TRIM3: variants seen among roughly 807,000 people sequenced by gnomAD.
TRIM3 encodes tripartite motif containing 3.
In TRIM3, 13 loss-of-function variants were observed where a neutral mutation model predicts 66.6. The ratio of observed to expected loss-of-function variants is 0.20; its 90% CI spans 0.13 to 0.31. The LOEUF (loss-of-function observed/expected upper bound fraction) is 0.31, where lower values mean the gene tolerates loss of function less well. Among genes scored for constraint, TRIM3 ranks in the 10% least tolerant of loss-of-function variants. The pLI is 1.00. For missense variants in TRIM3, 711 were observed against 1,020.4 expected, an observed-to-expected ratio of 0.70 and a Z score of 4.13; for synonymous variants, 406 against 411.7, an observed-to-expected ratio of 0.99 and a Z score of 0.17.
intron 1 of TRIM3, among the ~76,000 whole-genome samples, chr11:6,468,326 C>T (rs1850550556): frequency 6.6e-6 from 1 of 152,134 alleles, no homozygotes; most frequent in Admixed American, 6.5e-5. Flanking sequence ...CCAGGTAGAG[C>T]TGTCAAGTAA....
In TRIM3 at chr11:6,450,774, G is replaced by A; in HGVS notation, c.1870+118C>T. On this transcript the variant is annotated intron_variant, in intron 9 of 11. Coordinates refer to ENST00000345851, the MANE Select transcript of TRIM3 (RefSeq NM_033278.4). The surrounding 1 kb of genome is among the most constrained non-coding windows in gnomAD (Gnocchi z 4.8). ...TTCTGAGATGATAGGGCTAACGTAAGGGAAGTGGGATCTCCAGAGCCAAGA... is the reference window on the plus strand; with the variant it reads ...TTCTGAGATGATAGGGCTAACGTAAAGGAAGTGGGATCTCCAGAGCCAAGA... 6.8e-7 allele frequency: 1 copy of A among 1,475,646 alleles called. No homozygotes were observed. The highest frequency in any genetic ancestry group is 1.7e-5 in the Admixed American group (1 of 57,562). The allele number at this position is 1,475,646 out of a possible 1,614,324, so 91.4% of individuals were successfully genotyped here.
intron 2 of TRIM3, among the ~76,000 whole-genome samples, chr11:6,459,470 T>A (rs1489354409): frequency 6.6e-6 from 1 of 152,198 alleles, no homozygotes; most frequent in Non-Finnish European, 1.5e-5. Flanking sequence ...CTAGTTACCA[T>A]TTATTAAGTG....
In TRIM3 at chr11:6,455,499, A is replaced by ATTCAGTGCG. The variant is rs562473417; in HGVS notation, c.1533+564_1533+572dup. 5.9e-5 allele frequency among the ~76,000 whole-genome samples: 9 copies of ATTCAGTGCG among 152,304 alleles called. No homozygotes were observed. The East Asian group carries it at 1.7e-3, about 29-fold the overall frequency. On this transcript the variant is annotated intron_variant, in intron 7 of 11. Coordinates refer to ENST00000345851, the MANE Select transcript of TRIM3 (RefSeq NM_033278.4). Reference sequence around the variant, plus strand: ...TCACAGTGCAGCAGAAACCATGTTCATTCAGTGCGGTTGATGCCATAATCA... The same window carrying ATTCAGTGCG: ...TCACAGTGCAGCAGAAACCATGTTCATTCAGTGCGTTCAGTGCGGTTGATGCCATAATCA...
In TRIM3 at chr11:6,448,983, C is replaced by T. The variant is rs771876967; in HGVS notation, c.*45G>A. 5.3e-5 allele frequency: 85 copies of T among 1,608,574 alleles called. No individual in the cohort carries two copies. Among genetic ancestry groups the T allele is most frequent in the Admixed American group, 3.5e-4 (21 of 59,910 alleles). The stretch of plus-strand genomic sequence containing the variant: ...CCAGCCAGACCCTCTTGTCCAATCA[C>T]CCCAATGTCTGTCCCTCCACAAGCC... On this transcript the variant is annotated 3_prime_UTR_variant, in exon 12 of 12. Transcript: ENST00000345851.
chr11:6,454,286 G>C (rs1364786983), intron 7 of TRIM3, among the ~76,000 whole-genome samples: 2 of 151,972 alleles, frequency 1.3e-5, no homozygotes, highest in African/African-American at 4.8e-5. Context: ...AGCTACTCGG[G>C]AGGCTGAAGT....
At chr11:6,460,660 A>G (rs1219674750) in intron 2 of TRIM3, among the ~76,000 whole-genome samples, 1 of 152,168 alleles carries the variant, frequency 6.6e-6, no homozygotes, top group Non-Finnish European at 1.5e-5. Context: ...AGCAGAGGAC[A>G]CTTACTAGAA....
Position 6,458,484 on chromosome 11 carries a change from G to T in TRIM3, c.132-188C>A, listed in dbSNP as rs892226146. On this transcript the variant is annotated intron_variant, in intron 2 of 11. Coordinates refer to ENST00000345851, the MANE Select transcript of TRIM3 (RefSeq NM_033278.4). This position sits in a 1 kb window ranked among gnomAD's most constrained non-coding sequence, Gnocchi z 6.2. ...GGCCTTGCCCCTTACAACTGAGTAGGAACACACCCCGACCCCTCTCAGAAG... is the reference window on the plus strand; with the variant it reads ...GGCCTTGCCCCTTACAACTGAGTAGTAACACACCCCGACCCCTCTCAGAAG... The T allele has an allele frequency of 4.3e-5, 25 of 586,310 alleles. No homozygotes were observed. The highest frequency in any genetic ancestry group is 3.1e-5 in the Admixed American group (1 of 32,118). 36.3% of individuals were successfully genotyped at this position (586,310 alleles called of 1,614,324 possible). A position where few individuals can be genotyped will look rare whatever the true frequency, so the allele number is the denominator to read the frequency against.
At position 6,456,192 on chromosome 11, in the gene TRIM3, G is replaced by A; in HGVS notation, c.1430-17C>T. 7 of 1,613,238 alleles carry A rather than the reference G, an allele frequency of 4.3e-6. No homozygotes were observed. Among genetic ancestry groups the A allele is most frequent in the Non-Finnish European group, 5.9e-6 (7 of 1,179,314 alleles). On this transcript the variant is annotated splice_polypyrimidine_tract_variant and intron_variant, in intron 6 of 11. Coordinates refer to ENST00000345851, the MANE Select transcript of TRIM3 (RefSeq NM_033278.4). This position sits in a 1 kb window ranked among gnomAD's most constrained non-coding sequence, Gnocchi z 6.4. ...CACGACTGCCTGTGGGAAGGGACAG[G>A]AGGGAAAACAAAATAATTCATTCAG...
chr11:6,459,858 T>C (rs959277810), intron 2 of TRIM3, among the ~76,000 whole-genome samples: 6 of 152,160 alleles, frequency 3.9e-5, no homozygotes, highest in South Asian at 4.1e-4. Flanking sequence ...GGAGTAGCTA[T>C]AGGAAAGTTC....
chr11:6,463,149 G>A (rs990732015), intron 2 of TRIM3, among the ~76,000 whole-genome samples: 3 of 152,064 alleles, frequency 2.0e-5, no homozygotes, highest in African/African-American at 4.8e-5. Flanking sequence ...AGATTGCAGT[G>A]AGCCAAGATG....
intron 1 of TRIM3, among the ~76,000 whole-genome samples, chr11:6,470,707 G>T (rs892555003): frequency 6.6e-6 from 1 of 152,244 alleles, no homozygotes; most frequent in Non-Finnish European, 1.5e-5. Flanking sequence ...GGATGTTGGT[G>T]CAGAGATGGT....
rs776268474 is a variant in TRIM3 at position 6,451,263 on chromosome 11, C to A, written c.1701+8G>T. The A allele has an allele frequency of 1.9e-6, 3 of 1,613,994 alleles. No individual in the cohort carries two copies. Among genetic ancestry groups the A allele is most frequent in the Non-Finnish European group, 2.5e-6 (3 of 1,179,970 alleles). ...CCAGGGTAAGTAAAGTGACAGCAGGCCTCTCACCTTGAACTTGCCCTCAGG... is the reference window on the plus strand; with the variant it reads ...CCAGGGTAAGTAAAGTGACAGCAGGACTCTCACCTTGAACTTGCCCTCAGG... On this transcript the variant is annotated splice_region_variant and intron_variant, in intron 8 of 11. Transcript: ENST00000345851.
intron 7 of TRIM3, among the ~76,000 whole-genome samples, chr11:6,455,268 ATG>A (rs770895807): frequency 2.6e-5 from 2 of 77,128 alleles, no homozygotes; most frequent in South Asian, 4.5e-4. Flanking sequence ...AATTTTACAC[ATG>A]AGTTAACTGA....
At position 6,457,257 on chromosome 11, in the gene TRIM3, C is replaced by T. The variant is rs41275188; in HGVS notation, c.696+39G>A. ...AACAATGGAGGCAATAACACCATCA[C>T]AATGGACGATGGTAGGAAAGGGTGA... On this transcript the variant is annotated intron_variant, in intron 5 of 11. Coordinates refer to ENST00000345851, the MANE Select transcript of TRIM3 (RefSeq NM_033278.4). This position sits in a 1 kb window ranked among gnomAD's most constrained non-coding sequence, Gnocchi z 4.5. 2 of 1,603,554 alleles carry T rather than the reference C, an allele frequency of 1.2e-6. No individual in the cohort carries two copies. The highest frequency in any genetic ancestry group is 8.5e-7 in the Non-Finnish European group (1 of 1,173,032).
chr11:6,474,234 T>C (rs565287476), upstream of TRIM3: 2 of 152,078 alleles, frequency 1.3e-5, no homozygotes, highest in East Asian at 3.9e-4. Context: ...GTCTCAGGGA[T>C]TGAGATGAGA....
At chr11:6,454,386 CA>C (rs10665333) in intron 7 of TRIM3, among the ~76,000 whole-genome samples, 19,348 of 129,148 alleles carry the variant, frequency 0.15, 1,736 homozygotes, top group African/African-American at 0.29. Flanking sequence ...GACCCTGTCT[CA>C]AAAAAAAAAA....
chr11:6,457,727 G>A lies in TRIM3; in HGVS notation c.484C>T (p.Leu162=). The A allele has an allele frequency of 6.2e-7, 1 of 1,613,736 alleles. No homozygotes were observed. Among genetic ancestry groups the A allele is most frequent in the African/African-American group, 1.3e-5 (1 of 75,020 alleles). Residue 162 remains leucine, a synonymous_variant, in exon 4 of 12, where the codon CTG becomes TTG. Transcript: ENST00000345851. This position sits in a 1 kb window ranked among gnomAD's most constrained non-coding sequence, Gnocchi z 4.5. The stretch of plus-strand genomic sequence containing the variant: ...CGCACAGCCTCGAGCTGGCGCTGCA[G>A]GGCCGCCTTGTGCTGCTCCACCACA... ...RDVVEQHKAA[L]QRQLEAVRGR...
chr11:6,456,616 G>A lies in TRIM3; in HGVS notation c.1110C>T (p.Asp370=), dbSNP rs766322893. The A allele has an allele frequency of 1.6e-5, 25 of 1,612,604 alleles. No homozygotes were observed. The highest frequency in any genetic ancestry group is 1.2e-4 in the South Asian group (11 of 91,072). The change falls in exon 6 of 12, where the codon GAC becomes GAT. Residue 370 remains aspartate, a synonymous_variant. Transcript: ENST00000345851. This position sits in a 1 kb window ranked among gnomAD's most constrained non-coding sequence, Gnocchi z 6.4. ...AELRAEITGP[D]GTRLPVPVVD... is the part of the protein sequence containing the mutation. ...CCACTGGCACCGGAAGGCGCGTGCCGTCCGGGCCGGTGATCTCTGCACGCA... is the reference window on the plus strand; with the variant it reads ...CCACTGGCACCGGAAGGCGCGTGCCATCCGGGCCGGTGATCTCTGCACGCA...
rs759394530 is a variant in TRIM3, at chr11:6,457,601, T to C, written c.515+95A>G. 4.5e-6 allele frequency: 7 copies of C among 1,552,412 alleles called. No individual in the cohort carries two copies. The highest frequency in any genetic ancestry group is 6.1e-6 in the Non-Finnish European group (7 of 1,146,638). ...TCCTGAGACCTCCCTGAGACTTCCA[T>C]CTCTGCCCTTCCCAGACCCTTTATT... On this transcript the variant is annotated intron_variant, in intron 4 of 11. Transcript: ENST00000345851. This position sits in a 1 kb window ranked among gnomAD's most constrained non-coding sequence, Gnocchi z 4.5.
Sources: gnomAD v4.1 joint callset for allele counts (sites outside exome capture counted in the v4.1 genomes callset) on GRCh38, gnomAD v4.1.1 for gene constraint, Gnocchi (gnomAD v3.1) non-coding constraint, MANE v1.5 for transcripts, NCBI Gene and HGNC (gene_info 2026-07-23, HGNC 2026-07-21) for gene names.